The following GJC2 variants were observed in gnomAD, a reference collection of about 807,000 sequenced individuals.
The protein encoded by GJC2 is gap junction gamma-2 protein.
For synonymous variants in GJC2, 336 were observed against 307.5 expected, an observed-to-expected ratio of 1.09 and a Z score of -0.97; for missense variants, 647 against 648.9, an observed-to-expected ratio of 1.00 and a Z score of 0.03.
intron 1 of GJC2, among the ~76,000 whole-genome samples, chr1:228,153,774 G>A (rs1192159790): frequency 6.6e-6 from 1 of 151,622 alleles, no homozygotes; most frequent in African/African-American, 2.4e-5. Flanking sequence ...GTAGAGATGG[G>A]GTTTCACCAT....
Position 228,158,590 on chromosome 1 carries a change from T to G in GJC2, c.832T>G (p.Cys278Gly), listed in dbSNP as rs1343027441. The G allele has an allele frequency of 1.9e-6, 3 of 1,611,868 alleles. No homozygotes were observed. The highest frequency in any genetic ancestry group is 2.2e-5 in the East Asian group (1 of 44,806). The change falls in exon 2 of 2, where the codon TGC (cysteine) becomes GGC (glycine). Residue 278 changes from cysteine (C) to glycine (G), a missense_variant. Transcript: ENST00000366714. This position sits in a 1 kb window ranked among gnomAD's most constrained non-coding sequence, Gnocchi z 8.3. The stretch of plus-strand genomic sequence containing the variant: ...GGTTATGTACGTGGTCAGCTGCCTG[T>G]GCCTGCTGCTCAACCTCTGTGAGAT... ...LLVMYVVSCL[C>G]LLLNLCEMAH...
chr1:228,152,642 G>A lies in GJC2; in HGVS notation c.-20+2635G>A, dbSNP rs909622009. On this transcript the variant is annotated intron_variant, in intron 1 of 1. Coordinates refer to ENST00000366714, the MANE Select transcript of GJC2 (RefSeq NM_020435.4). This position sits in a 1 kb window ranked among gnomAD's most constrained non-coding sequence, Gnocchi z 7.3. The stretch of plus-strand genomic sequence containing the variant: ...TTTGAAGCCCTTCCTGTGAGCCCCC[G>A]ATGCCACCAGGGCGAGACCGCCCCC... Among the ~76,000 whole-genome samples, 40 of 150,396 alleles carry A rather than the reference G, an allele frequency of 2.7e-4. No homozygotes were observed. The highest frequency in any genetic ancestry group is 4.2e-4 in the South Asian group (2 of 4,764).
rs557271766 is a variant in GJC2, at chr1:228,150,740, C to CG, written c.-20+738dup. On this transcript the variant is annotated intron_variant, in intron 1 of 1. Coordinates refer to ENST00000366714, the MANE Select transcript of GJC2 (RefSeq NM_020435.4). The surrounding 1 kb of genome is among the most constrained non-coding windows in gnomAD (Gnocchi z 4.6). ...GCGCAGGGAGGCCACAGCCCAGGCG[C>CG]GGGGGCCCCCATCCCAGAGCTGGAT... 1.5e-3 allele frequency among the ~76,000 whole-genome samples: 228 copies of CG among 152,160 alleles called. 1 individual carries two copies. The highest frequency in any genetic ancestry group is 5.3e-3 in the African/African-American group (220 of 41,514).
At position 228,159,123 on chromosome 1, in the gene GJC2, G is replaced by T. The variant is rs775861918; in HGVS notation, c.*45G>T. The T allele has an allele frequency of 9.4e-6, 15 of 1,597,270 alleles. No homozygotes were observed. The highest frequency in any genetic ancestry group is 2.3e-4 in the Middle Eastern group (1 of 4,420). On this transcript the variant is annotated 3_prime_UTR_variant, in exon 2 of 2. Transcript: ENST00000366714. The surrounding 1 kb of genome is among the most constrained non-coding windows in gnomAD (Gnocchi z 4.0). The stretch of plus-strand genomic sequence containing the variant: ...GGGCCAGGGAGGAGGAGGGTTGGGG[G>T]GCTCCGGTGGAAACCTGCGACCCCT...
intron 1 of GJC2, among the ~76,000 whole-genome samples, chr1:228,155,473 T>C (rs1270315129): frequency 6.6e-6 from 1 of 152,090 alleles, no homozygotes; most frequent in African/African-American, 2.4e-5. Flanking sequence ...CAGGATTGGC[T>C]GGGATAGGGA....
In GJC2 at chr1:228,158,128, C is replaced by T. The variant is rs1242199759; in HGVS notation, c.370C>T (p.Pro124Ser). 5 of 1,252,840 alleles carry T rather than the reference C, an allele frequency of 4.0e-6. No individual in the cohort carries two copies. Among genetic ancestry groups the T allele is most frequent in the Non-Finnish European group, 4.0e-6 (4 of 997,628 alleles). The allele number at this position is 1,252,840 out of a possible 1,614,324, so 77.6% of individuals were successfully genotyped here. The change falls in exon 2 of 2, where the codon CCC becomes TCC. Residue 124 changes from proline (P) to serine (S), a missense_variant. Physicochemically the swap from Pro to Ser is moderately conservative, Grantham distance 74. Transcript: ENST00000366714. This position sits in a 1 kb window ranked among gnomAD's most constrained non-coding sequence, Gnocchi z 8.3. ...CCGCCGCCCGGGGCCACGCCGCGCG[C>T]CCCGAGCGCACCTGCCGCCCCCGCA... The part of the protein sequence containing the change: ...LRRRPGPRRA[P>S]RAHLPPPHAG...
intron 1 of GJC2, among the ~76,000 whole-genome samples, chr1:228,157,149 GTGGAGGGA>G (rs1320829669): frequency 1.7e-3 from 246 of 143,356 alleles, no homozygotes; most frequent in African/African-American, 6.7e-3. Flanking sequence ...TGTCCAGGGT[GTGGAGGGA>G]CCCCGACGCC....
At position 228,159,567 on chromosome 1, in the gene GJC2, G is replaced by A. The variant is rs115717373; in HGVS notation, c.*489G>A. ...CAAACTGAGACAGACTGGGAGCTGG[G>A]AGCCTGGGGTGGACAGGACCATACC... On this transcript the variant is annotated 3_prime_UTR_variant, in exon 2 of 2. Transcript: ENST00000366714. The surrounding 1 kb of genome is among the most constrained non-coding windows in gnomAD (Gnocchi z 4.0). 2.2e-3 allele frequency: 405 copies of A among 180,638 alleles called. No individual in the cohort carries two copies. Among genetic ancestry groups the A allele is most frequent in the Middle Eastern group, 2.9e-3 (1 of 340 alleles). 11.2% of individuals were successfully genotyped at this position (180,638 alleles called of 1,614,324 possible).
At position 228,158,365 on chromosome 1, in the gene GJC2, C is replaced by T. The variant is rs777056926; in HGVS notation, c.607C>T (p.Arg203Cys). The T allele has an allele frequency of 1.1e-5, 18 of 1,596,004 alleles. No individual in the cohort carries two copies. Among genetic ancestry groups the T allele is most frequent in the Admixed American group, 6.8e-5 (4 of 58,512 alleles). The change falls in exon 2 of 2, where the codon CGC (arginine) becomes TGC (cysteine). Residue 203 changes from arginine to cysteine, a missense_variant. Physicochemically the swap from Arg to Cys is radical, Grantham distance 180. Coordinates refer to ENST00000366714, the MANE Select transcript of GJC2 (RefSeq NM_020435.4). This position sits in a 1 kb window ranked among gnomAD's most constrained non-coding sequence, Gnocchi z 8.3. ...GPTGQHDGRR[R>C]IQREGLMRVY... ...GACCGGGCAACACGATGGGCGGAGG[C>T]GCATCCAGCGGGAGGGCCTGATGCG...
chr1:228,156,241 T>G (rs1325448094), intron 1 of GJC2, among the ~76,000 whole-genome samples: 3 of 152,234 alleles, frequency 2.0e-5, no homozygotes, highest in African/African-American at 7.2e-5. Flanking sequence ...TATGCACAAG[T>G]GTGTATGTGC....
chr1:228,150,361 G>A lies in GJC2; in HGVS notation c.-20+354G>A, dbSNP rs1320828279. ...GGCCCCTCAGGTAGTGATAGGGCTG[G>A]CCTCTGAAACACCAGCCAGCTGCAT... On this transcript the variant is annotated intron_variant, in intron 1 of 1. Coordinates refer to ENST00000366714, the MANE Select transcript of GJC2 (RefSeq NM_020435.4). This position sits in a 1 kb window ranked among gnomAD's most constrained non-coding sequence, Gnocchi z 4.6. Among the ~76,000 whole-genome samples the A allele has an allele frequency of 2.0e-5, 3 of 152,134 alleles. No homozygotes were observed. Among genetic ancestry groups the A allele is most frequent in the Non-Finnish European group, 4.4e-5 (3 of 68,000 alleles).
At chr1:228,156,474 AGTGT>A (rs916789229) in intron 1 of GJC2, among the ~76,000 whole-genome samples, 3 of 152,222 alleles carry the variant, frequency 2.0e-5, no homozygotes, top group South Asian at 2.1e-4. Context: ...TATGTATCTG[AGTGT>A]GTGTGCACAT....
At position 228,150,581 on chromosome 1, in the gene GJC2, G is replaced by A. The variant is rs2034603809; in HGVS notation, c.-20+574G>A. 6.6e-6 allele frequency among the ~76,000 whole-genome samples: 1 copy of A among 152,192 alleles called. No homozygotes were observed. The highest frequency in any genetic ancestry group is 1.5e-5 in the Non-Finnish European group (1 of 68,010). On this transcript the variant is annotated intron_variant, in intron 1 of 1. Transcript: ENST00000366714. This position sits in a 1 kb window ranked among gnomAD's most constrained non-coding sequence, Gnocchi z 4.6. Reference sequence around the variant, plus strand: ...GGTCAAGGATCCAACCCCAGTGCCTGTCAGTGCTGTGATTAACTGGGTGGA... The same window carrying A: ...GGTCAAGGATCCAACCCCAGTGCCTATCAGTGCTGTGATTAACTGGGTGGA...
Position 228,158,355 on chromosome 1 carries a change from T to C in GJC2, c.597T>C (p.Asp199=), listed in dbSNP as rs778292115. The C allele has an allele frequency of 7.5e-6, 12 of 1,590,572 alleles. No homozygotes were observed. Among genetic ancestry groups the C allele is most frequent in the East Asian group, 4.5e-5 (2 of 44,118 alleles). ...AGTPGPTGQH[D]GRRRIQREGL... The stretch of plus-strand genomic sequence containing the variant: ...CCCCGGGCCCGACCGGGCAACACGA[T>C]GGGCGGAGGCGCATCCAGCGGGAGG... Residue 199 remains aspartate (D), a synonymous_variant, in exon 2 of 2, where the codon GAT becomes GAC. Coordinates refer to ENST00000366714, the MANE Select transcript of GJC2 (RefSeq NM_020435.4). This position sits in a 1 kb window ranked among gnomAD's most constrained non-coding sequence, Gnocchi z 8.3.
rs759815259 is a variant in GJC2 at position 228,158,366 on chromosome 1, G to A, written c.608G>A (p.Arg203His). 1.2e-5 allele frequency: 19 copies of A among 1,595,930 alleles called. No individual in the cohort carries two copies. The highest frequency in any genetic ancestry group is 6.7e-5 in the African/African-American group (5 of 74,678). The change falls in exon 2 of 2, where the codon CGC (arginine) becomes CAC (histidine). Residue 203 changes from arginine (R) to histidine (H), a missense_variant. By Grantham distance (29) the Arg-to-His change is conservative. Transcript: ENST00000366714. The surrounding 1 kb of genome is among the most constrained non-coding windows in gnomAD (Gnocchi z 8.3). ...ACCGGGCAACACGATGGGCGGAGGCGCATCCAGCGGGAGGGCCTGATGCGC... is the reference window on the plus strand; with the variant it reads ...ACCGGGCAACACGATGGGCGGAGGCACATCCAGCGGGAGGGCCTGATGCGC... ...GPTGQHDGRR[R>H]IQREGLMRVY...
chr1:228,159,265 T>C lies in GJC2; in HGVS notation c.*187T>C. ...AGGAGTGCCCTGGCTTGGTCACCAC[T>C]GGGGCCAAGGTGGGGTGGAGAGAGG... On this transcript the variant is annotated 3_prime_UTR_variant, in exon 2 of 2. Transcript: ENST00000366714. The surrounding 1 kb of genome is among the most constrained non-coding windows in gnomAD (Gnocchi z 4.0). The C allele has an allele frequency of 1.5e-6, 1 of 675,056 alleles. No individual in the cohort carries two copies. Among genetic ancestry groups the C allele is most frequent in the East Asian group, 2.9e-5 (1 of 34,828 alleles). 41.8% of individuals were successfully genotyped at this position (675,056 alleles called of 1,614,324 possible).
Position 228,157,738 on chromosome 1 carries a change from A to AGGGG in GJC2, c.-19_-18insGGGG. 9 of 660,934 alleles carry AGGGG rather than the reference A, an allele frequency of 1.4e-5. No individual in the cohort carries two copies. Among genetic ancestry groups the AGGGG allele is most frequent in the East Asian group, 6.0e-5 (2 of 33,342 alleles). 40.9% of individuals were successfully genotyped at this position (660,934 alleles called of 1,614,324 possible). A position where few individuals can be genotyped will look rare whatever the true frequency, so the allele number is the denominator to read the frequency against. On this transcript the variant is annotated splice_acceptor_variant, in intron 1 of 1. Coordinates refer to ENST00000366714, the MANE Select transcript of GJC2 (RefSeq NM_020435.4). LOFTEE classifies it low-confidence loss of function (5UTR_SPLICE). Reference sequence around the variant, plus strand: ...CTGGCTGACCCCTACCCCGCCCCACAGGACCCGCCCGCCCGCCCCTATGAC... The same window carrying AGGGG: ...CTGGCTGACCCCTACCCCGCCCCACAGGGGGGACCCGCCCGCCCGCCCCTATGAC...
chr1:228,156,339 T>C (rs377262184), intron 1 of GJC2, among the ~76,000 whole-genome samples: 1 of 152,340 alleles, frequency 6.6e-6, no homozygotes. Flanking sequence ...TTAACCCTGT[T>C]TGCATGTGTG....
intron 1 of GJC2, among the ~76,000 whole-genome samples, chr1:228,155,273 CGAG>C (rs1207102698): frequency 6.6e-6 from 1 of 152,120 alleles, no homozygotes; most frequent in African/African-American, 2.4e-5. Context: ...GCAGAGCACA[CGAG>C]GGGATATCTG....
Sources: allele counts gnomAD v4.1 joint callset (sites outside exome capture counted in the v4.1 genomes callset), GRCh38; gene constraint gnomAD v4.1.1; non-coding constraint Gnocchi (gnomAD v3.1); transcripts MANE v1.5; gene names NCBI Gene and HGNC (gene_info 2026-07-23, HGNC 2026-07-21).